The following RALGAPB variants were observed in gnomAD, a reference collection of about 807,000 sequenced individuals.
RALGAPB encodes the protein ral GTPase-activating protein subunit beta.
RALGAPB carries 25 observed loss-of-function variants against 161.1 expected under a neutral mutation model. The observed-to-expected ratio is 0.16, with a 90% CI of 0.11 to 0.22. RALGAPB has a LOEUF of 0.22. Ranked by LOEUF, RALGAPB falls within the 10% of genes least tolerant of loss-of-function variation. RALGAPB has a pLI of 1.00. For missense variants in RALGAPB, 1,391 were observed against 1,815.2 expected, an observed-to-expected ratio of 0.77 and a Z score of 4.25; for synonymous variants, 629 against 626.1, an observed-to-expected ratio of 1.00 and a Z score of -0.07.
At position 38,472,864 on chromosome 20, in the gene RALGAPB, A is replaced by T; in HGVS notation, c.-236A>T. The T allele has an allele frequency of 2.5e-6, 1 of 398,966 alleles. No individual in the cohort carries two copies. The allele number at this position is 398,966 out of a possible 1,614,324, so 24.7% of individuals were successfully genotyped here. A position where few individuals can be genotyped will look rare whatever the true frequency, so the allele number is the denominator to read the frequency against. On this transcript the variant is annotated 5_prime_UTR_variant, in exon 1 of 30. Coordinates refer to ENST00000262879, the MANE Select transcript of RALGAPB (RefSeq NM_020336.4). Reference sequence around the variant, plus strand: ...TGGCAGTCGGAAGTTGCCTGAGCAGATCCCAGCCGGCTGGCTCGAGTGGCC... The same window carrying T: ...TGGCAGTCGGAAGTTGCCTGAGCAGTTCCCAGCCGGCTGGCTCGAGTGGCC...
Position 38,523,069 on chromosome 20 carries a change from G to T in RALGAPB, c.1619+1371G>T, listed in dbSNP as rs151189607. ...CTCGGGAAGCTGAGGCAGAAGAATC[G>T]CTTCAACCCAGGAGGCGGAGGTTGC... On this transcript the variant is annotated intron_variant, in intron 10 of 29. Transcript: ENST00000262879. Among the ~76,000 whole-genome samples, 324 of 152,076 alleles carry T rather than the reference G, an allele frequency of 2.1e-3. 1 individual carries two copies. The highest frequency in any genetic ancestry group is 7.3e-3 in the African/African-American group (304 of 41,470).
chr20:38,519,913 CTG>C (rs1243145382), intron 9 of RALGAPB, among the ~76,000 whole-genome samples: 1 of 152,158 alleles, frequency 6.6e-6, no homozygotes, highest in Non-Finnish European at 1.5e-5. Flanking sequence ...TGACAGTACA[CTG>C]TGCTTTGTAA....
rs770894627 is a variant in RALGAPB, at chr20:38,577,210, G to A, written c.*2243G>A. 6.6e-6 allele frequency: 1 copy of A among 152,190 alleles called. No homozygotes were observed. Among genetic ancestry groups the A allele is most frequent in the Non-Finnish European group, 1.5e-5 (1 of 68,042 alleles). The allele number at this position is 152,190 out of a possible 1,614,324, so 9.4% of individuals were successfully genotyped here. On this transcript the variant is annotated 3_prime_UTR_variant, in exon 30 of 30. Transcript: ENST00000262879. ...CTCACAATAACATCTGCCCAAAGAG[G>A]GAGTGGGAAGAACGCTTAGCTCTTT...
At chr20:38,574,653 A>G (rs2088369617) in intron 29 of RALGAPB, 121 bp from the exon 30 acceptor site, 1 of 981,502 alleles carries the variant, frequency 1.0e-6, no homozygotes, top group South Asian at 1.6e-5. Flanking sequence ...TGGGGATGGG[A>G]AGTTTGCAAA....
chr20:38,521,366 T>G (rs991265445), intron 9 of RALGAPB, 131 bp from the exon 10 acceptor site: 1 of 1,407,552 alleles, frequency 7.1e-7, no homozygotes, highest in African/African-American at 1.4e-5. Flanking sequence ...AAGACATAGT[T>G]GCTAAACAAA....
At chr20:38,478,207 G>A (rs2084862277) in intron 1 of RALGAPB, among the ~76,000 whole-genome samples, 1 of 152,188 alleles carries the variant, frequency 6.6e-6, no homozygotes, top group African/African-American at 2.4e-5. Flanking sequence ...GCACTTTGAG[G>A]CAAGAGGTGG....
intron 16 of RALGAPB, among the ~76,000 whole-genome samples, chr20:38,539,120 A>G (rs1342052034): frequency 6.6e-6 from 1 of 152,222 alleles, no homozygotes; most frequent in Non-Finnish European, 1.5e-5. Flanking sequence ...ATGCTGAGTG[A>G]AAGAAACCAG....
intron 26 of RALGAPB, chr20:38,569,102 CTTG>C (rs1359440576): frequency 6.6e-6 from 1 of 152,166 alleles, no homozygotes; most frequent in Admixed American, 6.6e-5. Context: ...TCCGGGGGGA[CTTG>C]CCATGGACTC....
intron 19 of RALGAPB, among the ~76,000 whole-genome samples, chr20:38,548,403 T>C (rs930068433): frequency 6.6e-6 from 1 of 152,246 alleles, no homozygotes; most frequent in Admixed American, 6.5e-5. Flanking sequence ...TTAGTGAACA[T>C]TATTTTATGT....
intron 1 of RALGAPB, among the ~76,000 whole-genome samples, chr20:38,478,286 T>A (rs1219571693): frequency 6.6e-6 from 1 of 152,252 alleles, no homozygotes; most frequent in Non-Finnish European, 1.5e-5. Context: ...CTTTGTTTCC[T>A]TACCTAGTGG....
At chr20:38,486,629 CT>C (rs1026256017) in intron 1 of RALGAPB, among the ~76,000 whole-genome samples, 116 of 151,976 alleles carry the variant, frequency 7.6e-4, no homozygotes, top group African/African-American at 2.7e-3. Flanking sequence ...CTAGTTTGTC[CT>C]TTTTTTTCTT....
chr20:38,487,782 T>C (rs1314000193), intron 1 of RALGAPB, among the ~76,000 whole-genome samples: 1 of 152,130 alleles, frequency 6.6e-6, no homozygotes, highest in Non-Finnish European at 1.5e-5. Context: ...CAAATGTATT[T>C]TCCGCTGGGC....
At chr20:38,514,069 CA>C (rs1163988305) in intron 6 of RALGAPB, among the ~76,000 whole-genome samples, 9 of 152,072 alleles carry the variant, frequency 5.9e-5, no homozygotes, top group African/African-American at 1.4e-4. Context: ...TTTTGGATGG[CA>C]AAAAGAGGAG....
At chr20:38,511,899 G>A (rs1426951251) in intron 6 of RALGAPB, among the ~76,000 whole-genome samples, 3 of 152,104 alleles carry the variant, frequency 2.0e-5, no homozygotes, top group East Asian at 1.9e-4. Flanking sequence ...CTTCCCAGAC[G>A]GGGCGGCCGG....
intron 22 of RALGAPB, 97 bp from the exon 23 acceptor site, chr20:38,558,198 A>T: frequency 9.1e-7 from 1 of 1,094,026 alleles, no homozygotes; most frequent in Non-Finnish European, 1.2e-6. Context: ...ATATTTTTTA[A>T]TTTTATTTTT....
At chr20:38,556,960 ATAT>A (rs1187294271) in intron 22 of RALGAPB, among the ~76,000 whole-genome samples, 1 of 152,212 alleles carries the variant, frequency 6.6e-6, no homozygotes, top group Non-Finnish European at 1.5e-5. Flanking sequence ...GACTGCAGAA[ATAT>A]TAATGTCTTT....
rs576026977 is a variant in RALGAPB at position 38,577,074 on chromosome 20, G to C, written c.*2107G>C. 6.6e-6 allele frequency: 1 copy of C among 152,128 alleles called. No homozygotes were observed. Among genetic ancestry groups the C allele is most frequent in the African/African-American group, 2.4e-5 (1 of 41,424 alleles). The allele number at this position is 152,128 out of a possible 1,614,324, so 9.4% of individuals were successfully genotyped here. A position where few individuals can be genotyped will look rare whatever the true frequency, so the allele number is the denominator to read the frequency against. ...CATTTGTGATCTGGGAGACTTCCTCGTCTTCCAGGGAAGGAAGGATGTGCA... is the reference window on the plus strand; with the variant it reads ...CATTTGTGATCTGGGAGACTTCCTCCTCTTCCAGGGAAGGAAGGATGTGCA... On this transcript the variant is annotated 3_prime_UTR_variant, in exon 30 of 30. Transcript: ENST00000262879.
chr20:38,528,414 C>T (rs1421245753), intron 13 of RALGAPB, among the ~76,000 whole-genome samples: 1 of 151,568 alleles, frequency 6.6e-6, no homozygotes, highest in African/African-American at 2.4e-5. Context: ...CTCTGTTGCC[C>T]AGGCTGGAGC....
intron 1 of RALGAPB, 46 bp downstream of exon 1, chr20:38,473,115 T>G: frequency 1.5e-5 from 5 of 334,530 alleles, no homozygotes; most frequent in Non-Finnish European, 2.2e-5. Context: ...TCCCCTCTCC[T>G]TCCCTCTCTT....
Sources: gnomAD v4.1 joint callset for allele counts (sites outside exome capture counted in the v4.1 genomes callset) on GRCh38, gnomAD v4.1.1 for gene constraint, MANE v1.5 for transcripts, NCBI Gene and HGNC (gene_info 2026-07-23, HGNC 2026-07-21) for gene names.